The following EDRF1 variants were observed in gnomAD, a reference collection of about 807,000 sequenced individuals.
EDRF1 encodes erythroid differentiation regulatory factor 1, also known as erythroid differentiation-related factor 1.
Under a neutral mutation model 148.7 loss-of-function variants are expected in EDRF1, and 69 were observed. That is an observed-to-expected ratio of 0.46 (90% confidence interval 0.38 to 0.57). The LOEUF (loss-of-function observed/expected upper bound fraction) is 0.57. Ranked by LOEUF, EDRF1 falls within the 20% of genes least tolerant of loss-of-function variation. The pLI, the probability that EDRF1 is intolerant of heterozygous loss-of-function variation, is 0.00. For missense variants in EDRF1, 1,118 were observed against 1,478.7 expected (o/e 0.76, Z 4.00); for synonymous variants, 515 against 532.8 (o/e 0.97, Z 0.46).
At chr10:125,722,802 A>G (rs1848071053) in intron 2 of EDRF1, among the ~76,000 whole-genome samples, 1 of 152,204 alleles carries the variant, frequency 6.6e-6, no homozygotes, top group African/African-American at 2.4e-5. Flanking sequence ...TTTATTCTAA[A>G]TATTTCCTAC....
Position 125,747,631 on chromosome 10 carries a change from T to C in EDRF1, c.2910T>C (p.Thr970=). 2 of 1,614,210 alleles carry C rather than the reference T, an allele frequency of 1.2e-6. No homozygotes were observed. Among genetic ancestry groups the C allele is most frequent in the Non-Finnish European group, 1.7e-6 (2 of 1,180,028 alleles). ...WDSVNWELST[T]YFTMATLQQD... is the part of the protein sequence containing the mutation. The stretch of plus-strand genomic sequence containing the variant: ...CAGTGAACTGGGAATTGTCCACTAC[T>C]TACTTTACTATGGCAACTCTACAGC... The change falls in exon 20 of 25, where the codon ACT becomes ACC. Residue 970 remains threonine, a synonymous_variant. Coordinates refer to ENST00000356792, the MANE Select transcript of EDRF1 (RefSeq NM_001202438.2).
At chr10:125,734,003 A>G in intron 11 of EDRF1, 69 bp from the exon 12 acceptor site, 1 of 1,227,838 alleles carries the variant, frequency 8.1e-7, no homozygotes, top group Non-Finnish European at 1.2e-6. Context: ...AAACAAGAGC[A>G]CTCCTAGACT....
intron 12 of EDRF1, among the ~76,000 whole-genome samples, chr10:125,734,904 T>A (rs1186352333): frequency 6.6e-6 from 1 of 152,166 alleles, no homozygotes; most frequent in Non-Finnish European, 1.5e-5. Flanking sequence ...CCAAAGTAAT[T>A]TTAATTGTAG....
At chr10:125,721,807 A>G (rs1848020541) in intron 2 of EDRF1, among the ~76,000 whole-genome samples, 1 of 152,238 alleles carries the variant, frequency 6.6e-6, no homozygotes, top group Admixed American at 6.5e-5. Context: ...AAATGGTGGC[A>G]GGTTGATCTG....
chr10:125,727,925 AG>A (rs2133680652), intron 6 of EDRF1, among the ~76,000 whole-genome samples: 1 of 152,288 alleles, frequency 6.6e-6, no homozygotes, highest in South Asian at 2.1e-4. Flanking sequence ...GGCTGGGCGC[AG>A]TGGCTTATGC....
At chr10:125,756,664 ATTACTAC>A in intron 24 of EDRF1, 1 of 322,530 alleles carries the variant, frequency 3.1e-6, no homozygotes, top group South Asian at 2.5e-5. Flanking sequence ...TGACCTCCTT[ATTACTAC>A]AGATGTCCGT....
chr10:125,748,988 A>G (rs1324948264), intron 21 of EDRF1: 5 of 249,302 alleles, frequency 2.0e-5, no homozygotes, highest in Admixed American at 1.0e-4. Flanking sequence ...TCTCCAGTTC[A>G]TGCCTGTAAT....
At chr10:125,754,541 A>G (rs1408833327) in intron 24 of EDRF1, among the ~76,000 whole-genome samples, 1 of 152,240 alleles carries the variant, frequency 6.6e-6, no homozygotes, top group African/African-American at 2.4e-5. Flanking sequence ...ACTGCAGAAT[A>G]GAGGACAGAA....
intron 17 of EDRF1, chr10:125,742,091 CAGTT>C (rs1432485678): frequency 5.4e-6 from 3 of 551,794 alleles, no homozygotes; most frequent in African/African-American, 3.9e-5. Context: ...AAAGGTATAA[CAGTT>C]GGTGAAGGAG....
chr10:125,760,152 A>G (rs1850127158), intron 24 of EDRF1, among the ~76,000 whole-genome samples: 1 of 152,254 alleles, frequency 6.6e-6, no homozygotes, highest in African/African-American at 2.4e-5. Context: ...GCATATGGTA[A>G]CAAGGCTTGG....
chr10:125,725,950 T>G (rs1289106951), intron 6 of EDRF1, 112 bp downstream of exon 6: 20 of 1,210,850 alleles, frequency 1.7e-5, no homozygotes, highest in Non-Finnish European at 2.1e-5. Context: ...TCTGTCAGCT[T>G]ATGGAATGGG....
At chr10:125,733,840 T>G in intron 11 of EDRF1, 97 bp downstream of exon 11, 1 of 1,204,888 alleles carries the variant, frequency 8.3e-7, no homozygotes, top group Non-Finnish European at 1.2e-6. Context: ...TTAAATGCTT[T>G]TAGGTTTTCA....
chr10:125,743,317 C>T, intron 18 of EDRF1, 41 bp downstream of exon 18: 2 of 1,550,850 alleles, frequency 1.3e-6, no homozygotes, highest in Non-Finnish European at 1.8e-6. Flanking sequence ...CTTGTTCTCT[C>T]AGAAAATTAT....
chr10:125,746,843 T>C (rs1424883205), intron 19 of EDRF1: 1 of 152,286 alleles, frequency 6.6e-6, no homozygotes, highest in Non-Finnish European at 1.5e-5. Context: ...GTTTTATTTA[T>C]TAGATTGCCA....
At chr10:125,745,530 C>T in intron 18 of EDRF1, 177 bp from the exon 19 acceptor site, 1 of 651,898 alleles carries the variant, frequency 1.5e-6, no homozygotes, top group East Asian at 2.7e-5. Flanking sequence ...CTCATATGGA[C>T]ACGTTTACCT....
At chr10:125,756,159 A>G (rs988889139) in intron 24 of EDRF1, among the ~76,000 whole-genome samples, 1 of 152,192 alleles carries the variant, frequency 6.6e-6, no homozygotes, top group African/African-American at 2.4e-5. Flanking sequence ...CATTTGTTTC[A>G]AAATAATATT....
chr10:125,746,364 TA>T (rs1432737108), intron 19 of EDRF1, among the ~76,000 whole-genome samples: 1 of 151,994 alleles, frequency 6.6e-6, no homozygotes, highest in Non-Finnish European at 1.5e-5. Flanking sequence ...CACAAATGTA[TA>T]AAAAATAAAG....
intron 24 of EDRF1, among the ~76,000 whole-genome samples, chr10:125,760,612 T>G (rs1006304304): frequency 2.6e-4 from 40 of 152,360 alleles, no homozygotes; most frequent in Admixed American, 1.3e-3. Flanking sequence ...TTCACTGATG[T>G]GCAAATGAAA....
intron 24 of EDRF1, chr10:125,756,774 A>G (rs144184010): frequency 7.3e-6 from 3 of 413,348 alleles, no homozygotes; most frequent in African/African-American, 6.3e-5. Flanking sequence ...TATAGGTGGC[A>G]ATAGTTGGGT....
Sources: gnomAD v4.1 joint callset for allele counts (sites outside exome capture counted in the v4.1 genomes callset) on GRCh38, gnomAD v4.1.1 for gene constraint, MANE v1.5 for transcripts, NCBI Gene and HGNC (gene_info 2026-07-23, HGNC 2026-07-21) for gene names.